Variants in PDS5B observed in about 807,000 individuals in gnomAD.
PDS5B encodes the protein PDS5 cohesin associated factor B, also known as sister chromatid cohesion protein PDS5 homolog B.
In PDS5B, 51 loss-of-function variants were observed where a neutral mutation model predicts 184.1. The ratio of observed to expected loss-of-function variants is 0.28; its 90% CI spans 0.22 to 0.35. The LOEUF (loss-of-function observed/expected upper bound fraction) is 0.35, where lower values mean the gene tolerates loss of function less well. Among genes scored for constraint, PDS5B ranks in the 10% least tolerant of loss-of-function variants. The pLI is 1.00. For missense variants in PDS5B, 1,180 were observed against 1,723.3 expected, an observed-to-expected ratio of 0.68 and a Z score of 5.58; for synonymous variants, 566 against 569.2, an observed-to-expected ratio of 0.99 and a Z score of 0.08.
intron 17 of PDS5B, among the ~76,000 whole-genome samples, chr13:32,702,077 T>C (rs1052189762): frequency 6.6e-6 from 1 of 152,154 alleles, no homozygotes; most frequent in African/African-American, 2.4e-5. Flanking sequence ...ATACAATATA[T>C]ATAGCGCATA....
chr13:32,619,542 A>G (rs2058265739), intron 1 of PDS5B, among the ~76,000 whole-genome samples: 1 of 152,204 alleles, frequency 6.6e-6, no homozygotes, highest in African/African-American at 2.4e-5. Flanking sequence ...GTGGTGAGCG[A>G]ATGTGAAGGC....
At chr13:32,745,450 A>G (rs1345867897) in intron 23 of PDS5B, among the ~76,000 whole-genome samples, 2 of 152,260 alleles carry the variant, frequency 1.3e-5, no homozygotes, top group Admixed American at 6.5e-5. Flanking sequence ...ATTTTGTAGT[A>G]TTAGACAACA....
chr13:32,629,521 AGTT>A (rs2058423139), intron 1 of PDS5B, among the ~76,000 whole-genome samples: 1 of 152,150 alleles, frequency 6.6e-6, no homozygotes, highest in East Asian at 1.9e-4. Context: ...TCCTTGTTGG[AGTT>A]ATCCATTACA....
chr13:32,669,659 T>G (rs1950883959), intron 7 of PDS5B, among the ~76,000 whole-genome samples: 1 of 152,098 alleles, frequency 6.6e-6, no homozygotes, highest in Non-Finnish European at 1.5e-5. Flanking sequence ...ATAGAATCCT[T>G]CCCCCATGAA....
intron 16 of PDS5B, among the ~76,000 whole-genome samples, chr13:32,700,083 T>C (rs1951824174): frequency 6.6e-6 from 1 of 152,186 alleles, no homozygotes; most frequent in Admixed American, 6.5e-5. Flanking sequence ...TTGTACATTT[T>C]ACTTTTTCAT....
At chr13:32,754,952 T>C (rs1954121981) in intron 25 of PDS5B, among the ~76,000 whole-genome samples, 1 of 152,158 alleles carries the variant, frequency 6.6e-6, no homozygotes, top group Non-Finnish European at 1.5e-5. Context: ...TAGTAAACAG[T>C]CAATAAATAT....
chr13:32,695,971 G>A (rs1951690680), intron 14 of PDS5B, among the ~76,000 whole-genome samples: 1 of 152,040 alleles, frequency 6.6e-6, no homozygotes, highest in Non-Finnish European at 1.5e-5. Flanking sequence ...TAACAGAATG[G>A]AGGAGGATAG....
intron 1 of PDS5B, among the ~76,000 whole-genome samples, chr13:32,643,492 CT>C (rs1348602014): frequency 3.9e-5 from 6 of 152,128 alleles, no homozygotes; most frequent in African/African-American, 1.4e-4. Context: ...TCTCTCTGCT[CT>C]TTCCTGTTAT....
chr13:32,774,921 G>T, intron 34 of PDS5B, 96 bp from the exon 35 acceptor site: 1 of 1,161,460 alleles, frequency 8.6e-7, no homozygotes, highest in African/African-American at 1.5e-5. Context: ...AGAAAATCAG[G>T]AACAAATGAG....
At chr13:32,705,155 A>G (rs1349824559) in intron 17 of PDS5B, among the ~76,000 whole-genome samples, 17 of 151,994 alleles carry the variant, frequency 1.1e-4, no homozygotes, top group Non-Finnish European at 1.5e-5. Flanking sequence ...TTGTTCTCTG[A>G]TGATCTTTTT....
chr13:32,771,526 C>CA (rs1555321615), intron 33 of PDS5B, among the ~76,000 whole-genome samples: 1,575 of 74,264 alleles, frequency 0.021, 40 homozygotes, highest in African/African-American at 0.1. Flanking sequence ...ATAATTACAT[C>CA]ATGGCTCGAC....
chr13:32,734,015 A>ACACACACACACACACACACACAC lies in PDS5B; in HGVS notation c.2248-1157_2248-1156insCACACACACACACACACACACAC, dbSNP rs1555312887. ...ACACACACACACACACACACACACAAACATATATTTTGTTTTCTTTTTTTT... is the reference window on the plus strand; with the variant it reads ...ACACACACACACACACACACACACAACACACACACACACACACACACACACATATATTTTGTTTTCTTTTTTTT... On this transcript the variant is annotated intron_variant, in intron 20 of 34. Transcript: ENST00000315596. Among the ~76,000 whole-genome samples, 34 of 58,152 alleles carry ACACACACACACACACACACACAC rather than the reference A, an allele frequency of 5.8e-4. 1 individual carries two copies. Among genetic ancestry groups the ACACACACACACACACACACACAC allele is most frequent in the African/African-American group, 3.9e-3 (32 of 8,170 alleles). The allele number at this position is 58,152 out of a possible 152,430, so 38.1% of individuals were successfully genotyped here. A position where few individuals can be genotyped will look rare whatever the true frequency, so the allele number is the denominator to read the frequency against.
In PDS5B at chr13:32,718,495, C is replaced by T. The variant is rs527558099; in HGVS notation, c.2123+8389C>T. On this transcript the variant is annotated intron_variant, in intron 19 of 34. Transcript: ENST00000315596. ...AATTAAATCTAATAAGATAGGAATC[C>T]GTACCTTCATAACATAATTAATATC... 5.9e-5 allele frequency among the ~76,000 whole-genome samples: 9 copies of T among 152,170 alleles called. No homozygotes were observed. In the South Asian group the frequency reaches 1.0e-3, roughly 18 times the overall value.
chr13:32,653,853 C>T (rs188126979), intron 3 of PDS5B, among the ~76,000 whole-genome samples: 125 of 152,218 alleles, frequency 8.2e-4, no homozygotes, highest in Admixed American at 7.7e-3. Context: ...ATTCTCATGA[C>T]GAGGAAGTCT....
intron 19 of PDS5B, among the ~76,000 whole-genome samples, chr13:32,717,699 A>T (rs4942834): frequency 0.032 from 4,758 of 149,346 alleles, 93 homozygotes; most frequent in East Asian, 0.1. Context: ...AAAAAAAAAA[A>T]AAATAAATAA....
At chr13:32,711,717 C>T (rs1332144760) in intron 19 of PDS5B, among the ~76,000 whole-genome samples, 1 of 152,156 alleles carries the variant, frequency 6.6e-6, no homozygotes, top group Non-Finnish European at 1.5e-5. Context: ...GGTGCTATGG[C>T]TCTCCTAGTC....
rs1442099229 is a variant in PDS5B, at chr13:32,735,177, G to A, written c.2253G>A (p.Leu751=). 6.3e-7 allele frequency: 1 copy of A among 1,581,698 alleles called. No homozygotes were observed. Residue 751 remains leucine, a synonymous_variant, in exon 21 of 35, where the codon CTG becomes CTA. Coordinates refer to ENST00000315596, the MANE Select transcript of PDS5B (RefSeq NM_015032.4). The stretch of plus-strand genomic sequence containing the variant: ...TTTCCTCCCCTCATTTTCAGCCTCT[G>A]CATAAGAGCCTAGATCCAAGCAACC... ...ETQFAQIFEP[L]HKSLDPSNLE... is the part of the protein sequence containing the mutation.
At chr13:32,636,267 T>G (rs751653033) in intron 1 of PDS5B, among the ~76,000 whole-genome samples, 2 of 152,240 alleles carry the variant, frequency 1.3e-5, no homozygotes, top group Non-Finnish European at 2.9e-5. Flanking sequence ...AAGGAAAATG[T>G]GTGCATGAAA....
rs753923390 is a variant in PDS5B at position 32,753,439 on chromosome 13, A to G, written c.2844A>G (p.Lys948=). ...TGGCAATCTGTGCCCTTTGTGCAAA[A>G]GATCCTGTAAAGGAGAGAAGAGCTC... ...EYMAICALCA[K]DPVKERRAHA... Residue 948 remains lysine (K), a synonymous_variant, in exon 25 of 35, where the codon AAA becomes AAG. Transcript: ENST00000315596. 1 of 1,613,902 alleles carries G rather than the reference A, an allele frequency of 6.2e-7. No individual in the cohort carries two copies. Among genetic ancestry groups the G allele is most frequent in the South Asian group, 1.1e-5 (1 of 91,070 alleles).
Sources: allele counts gnomAD v4.1 joint callset (sites outside exome capture counted in the v4.1 genomes callset), GRCh38; gene constraint gnomAD v4.1.1; transcripts MANE v1.5; gene names NCBI Gene and HGNC (gene_info 2026-07-23, HGNC 2026-07-21).